The following ATP1B3 variants were observed in gnomAD, a reference collection of about 807,000 sequenced individuals.
ATP1B3 encodes sodium/potassium-transporting ATPase subunit beta-3.
ATP1B3 carries 10 observed loss-of-function variants against 30.2 expected under a neutral mutation model. That is an observed-to-expected ratio of 0.33 (90% CI 0.20 to 0.56). ATP1B3 has a LOEUF of 0.56. ATP1B3 is among the 20% of genes least tolerant of loss of function. ATP1B3 has a pLI of 0.90. For synonymous variants in ATP1B3, 113 were observed against 117.0 expected, an observed-to-expected ratio of 0.97 and a Z score of 0.22; for missense variants, 238 against 336.7, an observed-to-expected ratio of 0.71 and a Z score of 2.29.
chr3:141,884,050 C>T (rs1042246240), intron 1 of ATP1B3, among the ~76,000 whole-genome samples: 7 of 152,172 alleles, frequency 4.6e-5, no homozygotes, highest in Non-Finnish European at 7.3e-5. Context: ...ATGAGACCCT[C>T]ATAAAGTCTT....
At chr3:141,898,599 G>A (rs1016023326) in intron 1 of ATP1B3, among the ~76,000 whole-genome samples, 4 of 152,206 alleles carry the variant, frequency 2.6e-5, no homozygotes, top group Non-Finnish European at 5.9e-5. Flanking sequence ...CACAGTAAAA[G>A]AAGTGTTAAT....
At chr3:141,886,458 A>G (rs899662528) in intron 1 of ATP1B3, among the ~76,000 whole-genome samples, 2 of 152,182 alleles carry the variant, frequency 1.3e-5, no homozygotes, top group Admixed American at 1.3e-4. Context: ...ATAAAGGTGT[A>G]ATTCTATCAC....
intron 1 of ATP1B3, among the ~76,000 whole-genome samples, chr3:141,891,042 A>C (rs12386355): frequency 0.14 from 21,080 of 152,174 alleles, 1,701 homozygotes; most frequent in East Asian, 0.39. Context: ...ATTATCACAG[A>C]TTTAACAGTC....
chr3:141,882,962 A>G (rs1333270143), intron 1 of ATP1B3, among the ~76,000 whole-genome samples: 1 of 152,190 alleles, frequency 6.6e-6, no homozygotes, highest in Non-Finnish European at 1.5e-5. Context: ...TTATCTGTTC[A>G]TATAAATCTG....
intron 5 of ATP1B3, among the ~76,000 whole-genome samples, chr3:141,918,089 T>G (rs1414075395): frequency 4.6e-5 from 7 of 152,066 alleles, no homozygotes; most frequent in Non-Finnish European, 1.0e-4. Context: ...GATAAATTCT[T>G]CTAAAAATCT....
intron 1 of ATP1B3, among the ~76,000 whole-genome samples, chr3:141,878,651 A>G (rs1047849335): frequency 6.6e-6 from 1 of 152,362 alleles, no homozygotes. Flanking sequence ...GATAACATGC[A>G]CAAATAAATA....
intron 5 of ATP1B3, among the ~76,000 whole-genome samples, chr3:141,917,443 C>T (rs1229970712): frequency 6.6e-6 from 1 of 151,918 alleles, no homozygotes; most frequent in Non-Finnish European, 1.5e-5. Context: ...CGCCTGTAAT[C>T]CTGGCACTTT....
intron 3 of ATP1B3, 140 bp from the exon 4 acceptor site, chr3:141,913,512 A>C: frequency 1.5e-6 from 1 of 685,600 alleles, no homozygotes; most frequent in Non-Finnish European, 2.3e-6. Flanking sequence ...GGCAAACTTA[A>C]CATTCTTTCC....
At chr3:141,876,935 C>G (rs1559862534) in intron 1 of ATP1B3, 25 bp downstream of exon 1, 1 of 1,532,580 alleles carries the variant, frequency 6.5e-7, no homozygotes, top group Non-Finnish European at 8.8e-7. Context: ...GCTGGGCGTC[C>G]GGGGCCGGCC....
At chr3:141,904,879 T>C (rs1259066968) in intron 2 of ATP1B3, among the ~76,000 whole-genome samples, 1 of 151,728 alleles carries the variant, frequency 6.6e-6, no homozygotes, top group Non-Finnish European at 1.5e-5. Context: ...CCAGCTAATT[T>C]TTTGTATTTT....
chr3:141,905,334 A>G (rs983315415), intron 2 of ATP1B3, among the ~76,000 whole-genome samples: 2 of 152,128 alleles, frequency 1.3e-5, no homozygotes, highest in Admixed American at 6.6e-5. Context: ...TTTGGTTGTT[A>G]CAGCTAGAGA....
At position 141,876,724 on chromosome 3, in the gene ATP1B3, G is replaced by A. The variant is rs966236659; in HGVS notation, c.-78G>A. On this transcript the variant is annotated 5_prime_UTR_variant, in exon 1 of 7. Transcript: ENST00000286371. ...CTGCCGTCTCCGGGCTGCGCCGCCG[G>A]AGCCGGGACGCGCCTCCGCAGCCCT... is the stretch of plus-strand genomic sequence containing the variant. 36 of 1,149,156 alleles carry A rather than the reference G, an allele frequency of 3.1e-5. No homozygotes were observed. In the African/African-American group the frequency reaches 5.8e-4, roughly 18 times the overall value. 71.2% of individuals were successfully genotyped at this position (1,149,156 alleles called of 1,614,324 possible).
At position 141,926,191 on chromosome 3, in the gene ATP1B3, T is replaced by A. The variant is rs1322765294; in HGVS notation, c.*490T>A. The A allele has an allele frequency of 6.5e-6, 1 of 152,792 alleles. No homozygotes were observed. Among genetic ancestry groups the A allele is most frequent in the Non-Finnish European group, 1.5e-5 (1 of 68,146 alleles). The allele number at this position is 152,792 out of a possible 1,614,324, so 9.5% of individuals were successfully genotyped here. A position where few individuals can be genotyped will look rare whatever the true frequency, so the allele number is the denominator to read the frequency against. On this transcript the variant is annotated 3_prime_UTR_variant, in exon 7 of 7. Transcript: ENST00000286371. ...GGAAAAAAAGAAAATAAAAGTGTGT[T>A]TGAAAAATATTATCTTGGGTTCTTT...
chr3:141,904,098 T>C (rs1934218200), intron 2 of ATP1B3, among the ~76,000 whole-genome samples: 1 of 152,216 alleles, frequency 6.6e-6, no homozygotes, highest in South Asian at 2.1e-4. Flanking sequence ...GTTACGGCTT[T>C]TAACAAAATT....
intron 1 of ATP1B3, among the ~76,000 whole-genome samples, chr3:141,894,301 C>T (rs377330825): frequency 7.9e-5 from 12 of 151,468 alleles, no homozygotes; most frequent in East Asian, 5.9e-4. Flanking sequence ...TCAGTAATAA[C>T]CTTAGCTTAC....
intron 1 of ATP1B3, among the ~76,000 whole-genome samples, chr3:141,901,052 G>A (rs879894613): frequency 6.6e-6 from 1 of 152,186 alleles, no homozygotes; most frequent in Non-Finnish European, 1.5e-5. Context: ...CAAAGTGCTG[G>A]GATTACAGGC....
chr3:141,922,586 G>A (rs1258238815), intron 6 of ATP1B3, among the ~76,000 whole-genome samples: 1 of 151,810 alleles, frequency 6.6e-6, no homozygotes, highest in Non-Finnish European at 1.5e-5. Context: ...CCAGGAGGTG[G>A]AGGTTGCAGT....
intron 1 of ATP1B3, chr3:141,902,032 T>G: frequency 1.2e-6 from 1 of 845,862 alleles, no homozygotes; most frequent in Non-Finnish European, 1.7e-6. Flanking sequence ...GAATTTCTCT[T>G]CTGTATCTTA....
chr3:141,897,823 C>T (rs1418977020), intron 1 of ATP1B3, among the ~76,000 whole-genome samples: 3 of 152,170 alleles, frequency 2.0e-5, no homozygotes, highest in African/African-American at 4.8e-5. Flanking sequence ...GATTCTCCCA[C>T]CTCAGCCTCC....
Sources: allele counts gnomAD v4.1 joint callset (sites outside exome capture counted in the v4.1 genomes callset), GRCh38; gene constraint gnomAD v4.1.1; transcripts MANE v1.5; gene names NCBI Gene and HGNC (gene_info 2026-07-23, HGNC 2026-07-21).